Variants in KLF12 observed in about 807,000 individuals in gnomAD.
KLF12 encodes the protein KLF transcription factor 12, also known as Krueppel-like factor 12.
In KLF12, 9 loss-of-function variants were observed where a neutral mutation model predicts 37.8. That is an observed-to-expected ratio of 0.24 (90% CI 0.14 to 0.42). The LOEUF is 0.42. Ranked by LOEUF, KLF12 falls within the 10% of genes least tolerant of loss-of-function variation. KLF12 has a pLI of 1.00. For missense variants in KLF12, 411 were observed against 516.0 expected, an observed-to-expected ratio of 0.80 and a Z score of 1.97; for synonymous variants, 208 against 202.1, an observed-to-expected ratio of 1.03 and a Z score of -0.25.
intron 7 of KLF12, among the ~76,000 whole-genome samples, chr13:73,702,335 C>G (rs1465112144): frequency 6.6e-6 from 1 of 152,060 alleles, no homozygotes; most frequent in Non-Finnish European, 1.5e-5. Context: ...AGAATAAAGT[C>G]TAAAGAAAAC....
intron 3 of KLF12, among the ~76,000 whole-genome samples, chr13:73,930,866 T>TG (rs1393273375): frequency 6.8e-6 from 1 of 147,898 alleles, no homozygotes; most frequent in Non-Finnish European, 1.5e-5. Context: ...AAACATTTTT[T>TG]TTTTTTTTTT....
At chr13:73,946,199 A>G (rs918789617) in intron 2 of KLF12, among the ~76,000 whole-genome samples, 1 of 152,188 alleles carries the variant, frequency 6.6e-6, no homozygotes, top group Non-Finnish European at 1.5e-5. Flanking sequence ...CCAGATGAGA[A>G]GGCAAGAAGA....
chr13:73,995,074 C>A lies in KLF12; in HGVS notation c.-31-21G>T, dbSNP rs371075302. On this transcript the variant is annotated intron_variant, in intron 1 of 7. Coordinates refer to ENST00000377669, the MANE Select transcript of KLF12 (RefSeq NM_007249.5). Reference sequence around the variant, plus strand: ...TGATCCTGCAAGAAAAACACAAAGACAAATGATGAGAGAAAGTTCTACAAC... The same window carrying A: ...TGATCCTGCAAGAAAAACACAAAGAAAAATGATGAGAGAAAGTTCTACAAC... 3.2e-6 allele frequency: 5 copies of A among 1,540,744 alleles called. No individual in the cohort carries two copies. The South Asian group carries it at 5.9e-5, about 18-fold the overall frequency.
At chr13:74,146,073 G>C in the KLF12 span, among the ~76,000 whole-genome samples, 26 of 152,076 alleles carry the variant, frequency 1.7e-4, no homozygotes, top group Non-Finnish European at 3.5e-4. Flanking sequence ...AAAATTGGTA[G>C]GTCCAGATCT....
At chr13:73,984,149 A>T (rs987761057) in intron 2 of KLF12, among the ~76,000 whole-genome samples, 5 of 152,200 alleles carry the variant, frequency 3.3e-5, no homozygotes, top group African/African-American at 1.2e-4. Context: ...GAGAAGAGGC[A>T]AGGAAAGACT....
chr13:74,086,052 A>G (rs1392117481), intron 1 of KLF12, among the ~76,000 whole-genome samples: 1 of 51,200 alleles, frequency 2.0e-5, no homozygotes, highest in Non-Finnish European at 3.6e-5. Context: ...ATATATTTTA[A>G]AAGTGGTTTA....
chr13:73,781,562 G>A (rs1464374459), intron 5 of KLF12, among the ~76,000 whole-genome samples: 1 of 152,108 alleles, frequency 6.6e-6, no homozygotes, highest in Non-Finnish European at 1.5e-5. Context: ...TATGATTAGA[G>A]CAGTTTGCTT....
At chr13:73,906,990 C>T (rs749337594) in intron 3 of KLF12, among the ~76,000 whole-genome samples, 2 of 152,140 alleles carry the variant, frequency 1.3e-5, no homozygotes, top group Non-Finnish European at 2.9e-5. Context: ...ATTACAGTTA[C>T]CAGCTCTGAT....
At chr13:73,836,930 T>G (rs944716431) in intron 4 of KLF12, among the ~76,000 whole-genome samples, 2 of 152,184 alleles carry the variant, frequency 1.3e-5, no homozygotes, top group Non-Finnish European at 2.9e-5. Context: ...ATAAATAAAA[T>G]AGTGTGCCAG....
At chr13:73,883,631 T>C (rs1482959844) in intron 3 of KLF12, among the ~76,000 whole-genome samples, 2 of 152,162 alleles carry the variant, frequency 1.3e-5, no homozygotes, top group Non-Finnish European at 2.9e-5. Context: ...TTGCAAAGCT[T>C]TGGGGAGAGC....
chr13:73,747,686 T>A (rs917928095), intron 6 of KLF12, among the ~76,000 whole-genome samples: 10 of 152,182 alleles, frequency 6.6e-5, no homozygotes, highest in African/African-American at 2.2e-4. Context: ...CATTTAATCC[T>A]CATGATAACC....
chr13:73,834,515 T>G (rs1174183959), intron 4 of KLF12, among the ~76,000 whole-genome samples: 2 of 152,246 alleles, frequency 1.3e-5, no homozygotes, highest in Admixed American at 1.3e-4. Flanking sequence ...TATCTTATTT[T>G]ATTTTACTTT....
chr13:74,146,734 G>C, the KLF12 span, among the ~76,000 whole-genome samples: 1 of 152,134 alleles, frequency 6.6e-6, no homozygotes, highest in South Asian at 2.1e-4. Flanking sequence ...AATGTGCTAA[G>C]TGTTTGATGT....
chr13:74,121,215 T>C (rs1235057931), intron 1 of KLF12, among the ~76,000 whole-genome samples: 4 of 152,022 alleles, frequency 2.6e-5, no homozygotes, highest in African/African-American at 9.7e-5. Context: ...TTCAATACTT[T>C]CCCAATAACT....
chr13:73,998,915 G>A (rs1892196043), intron 1 of KLF12, among the ~76,000 whole-genome samples: 1 of 152,222 alleles, frequency 6.6e-6, no homozygotes, highest in African/African-American at 2.4e-5. Context: ...ACACAAAGAA[G>A]AATGCTTGTT....
At chr13:74,125,114 C>T (rs1462135206) in intron 1 of KLF12, among the ~76,000 whole-genome samples, 6 of 148,282 alleles carry the variant, frequency 4.0e-5, no homozygotes, top group African/African-American at 9.9e-5. Context: ...CACTGCACTC[C>T]GGCCTGAGCA....
intron 1 of KLF12, among the ~76,000 whole-genome samples, chr13:74,074,049 G>A (rs1874424908): frequency 6.6e-6 from 1 of 152,150 alleles, no homozygotes. Context: ...ATTTTCTATA[G>A]GCTGAGAGGC....
the KLF12 span, among the ~76,000 whole-genome samples, chr13:74,199,430 A>G: frequency 6.6e-6 from 1 of 152,328 alleles, no homozygotes; most frequent in East Asian, 1.9e-4. Context: ...CCTGACTGGT[A>G]GTGCATGAAT....
Position 73,840,526 on chromosome 13 carries a change from T to G in KLF12, c.670+5301A>C, listed in dbSNP as rs1884684149. 2.6e-5 allele frequency among the ~76,000 whole-genome samples: 4 copies of G among 152,236 alleles called. No individual in the cohort carries two copies. In the South Asian group the frequency reaches 8.3e-4, roughly 32 times the overall value. On this transcript the variant is annotated intron_variant, in intron 4 of 7. Coordinates refer to ENST00000377669, the MANE Select transcript of KLF12 (RefSeq NM_007249.5). ...TCTCTCAACCCCACTGTGCTCATCT[T>G]AGTAGAGAACAATAGGTCAGCCAAA...
Sources: allele counts gnomAD v4.1 joint callset (sites outside exome capture counted in the v4.1 genomes callset), GRCh38; gene constraint gnomAD v4.1.1; transcripts MANE v1.5; gene names NCBI Gene and HGNC (gene_info 2026-07-23, HGNC 2026-07-21).